PPP1R14C: variants seen among roughly 807,000 people sequenced by gnomAD.
PPP1R14C encodes protein phosphatase 1 regulatory inhibitor subunit 14C.
PPP1R14C carries 16 observed loss-of-function variants against 20.4 expected under a neutral mutation model. The ratio of observed to expected loss-of-function variants is 0.78; its 90% CI spans 0.53 to 1.19. The LOEUF (loss-of-function observed/expected upper bound fraction) is 1.19, where lower values mean the gene tolerates loss of function less well. Ranked by LOEUF, PPP1R14C falls within the 50% of genes most tolerant of loss-of-function variation. PPP1R14C has a pLI of 0.00. For synonymous variants in PPP1R14C, 91 were observed against 91.0 expected, an observed-to-expected ratio of 1.00 and a Z score of 0.00; for missense variants, 211 against 220.1, an observed-to-expected ratio of 0.96 and a Z score of 0.26.
intron 3 of PPP1R14C, among the ~76,000 whole-genome samples, chr6:150,224,840 G>A (rs963505816): frequency 2.0e-5 from 3 of 152,120 alleles, no homozygotes; most frequent in African/African-American, 7.2e-5. Flanking sequence ...TGAATATGAT[G>A]AATTAGGTAA....
At chr6:150,150,499 C>T (rs1482207769) in intron 1 of PPP1R14C, among the ~76,000 whole-genome samples, 1 of 152,178 alleles carries the variant, frequency 6.6e-6, no homozygotes, top group Non-Finnish European at 1.5e-5. Context: ...CCTAAAACAA[C>T]CTGGCAGCCC....
intron 1 of PPP1R14C, among the ~76,000 whole-genome samples, chr6:150,183,723 G>A (rs570101832): frequency 6.6e-6 from 1 of 152,110 alleles, no homozygotes; most frequent in Admixed American, 6.5e-5. Flanking sequence ...ACCTTGGCCA[G>A]GCTGGTCTTG....
intron 1 of PPP1R14C, among the ~76,000 whole-genome samples, chr6:150,184,344 C>T (rs1777653699): frequency 6.6e-6 from 1 of 152,144 alleles, no homozygotes; most frequent in African/African-American, 2.4e-5. Flanking sequence ...ATCCAGCCAC[C>T]TCCTGGTAGA....
chr6:150,215,412 T>C (rs1403508533), intron 2 of PPP1R14C, among the ~76,000 whole-genome samples: 1 of 152,252 alleles, frequency 6.6e-6, no homozygotes, highest in Non-Finnish European at 1.5e-5. Flanking sequence ...AGGTCAAATC[T>C]ATCATTTTTA....
chr6:150,170,959 T>G (rs1777491991), intron 1 of PPP1R14C, among the ~76,000 whole-genome samples: 1 of 152,076 alleles, frequency 6.6e-6, no homozygotes, highest in African/African-American at 2.4e-5. Context: ...AGTTTTAGAT[T>G]CACAGTAAAA....
Position 150,143,306 on chromosome 6 carries a change from CG to C in PPP1R14C, c.116del (p.Gly39AlafsTer34). 1.3e-6 allele frequency: 2 copies of C among 1,571,704 alleles called. No individual in the cohort carries two copies. The highest frequency in any genetic ancestry group is 1.7e-6 in the Non-Finnish European group (2 of 1,163,402). ...GAGGSPGSSS[G>X]SGSSREDSAP... ...CCGGTGGCAGCCCCGGCTCCAGCAG[CG>C]GCTCAGGCTCCTCCCGGGAGGACTC... is the stretch of plus-strand genomic sequence containing the variant. On this transcript the variant is annotated frameshift_variant, in exon 1 of 4. Transcript: ENST00000361131. LOFTEE classifies it high-confidence loss of function. This position sits in a 1 kb window ranked among gnomAD's most constrained non-coding sequence, Gnocchi z 5.6.
chr6:150,157,458 A>G, intron 1 of PPP1R14C, among the ~76,000 whole-genome samples: 1 of 151,238 alleles, frequency 6.6e-6, no homozygotes, highest in Non-Finnish European at 1.5e-5. Context: ...CCTACTGGTT[A>G]TACTCACAGG....
At chr6:150,215,328 G>A (rs1778077962) in intron 2 of PPP1R14C, among the ~76,000 whole-genome samples, 1 of 152,206 alleles carries the variant, frequency 6.6e-6, no homozygotes, top group Non-Finnish European at 1.5e-5. Context: ...CCAGTACAAC[G>A]ATGGATATTG....
At chr6:150,190,811 G>A (rs1353409087) in intron 1 of PPP1R14C, among the ~76,000 whole-genome samples, 2 of 152,036 alleles carry the variant, frequency 1.3e-5, no homozygotes, top group Non-Finnish European at 2.9e-5. Flanking sequence ...CTCTACCTTG[G>A]TCCATACCAC....
At chr6:150,227,231 GT>G (rs1374182576) in intron 3 of PPP1R14C, among the ~76,000 whole-genome samples, 1 of 152,170 alleles carries the variant, frequency 6.6e-6, no homozygotes, top group Non-Finnish European at 1.5e-5. Context: ...ACAGCTTGGT[GT>G]TTTACAATCT....
intron 1 of PPP1R14C, among the ~76,000 whole-genome samples, chr6:150,168,469 C>G (rs954259711): frequency 6.6e-6 from 1 of 152,030 alleles, no homozygotes. Flanking sequence ...GGAGGCGGAG[C>G]TTGCAGTGAG....
intron 3 of PPP1R14C, among the ~76,000 whole-genome samples, chr6:150,226,022 C>T (rs920626296): frequency 4.6e-5 from 7 of 152,164 alleles, no homozygotes; most frequent in South Asian, 2.1e-4. Flanking sequence ...TTTGGGTCTA[C>T]GGCTTCATCC....
At chr6:150,220,783 T>C (rs1191180400) in intron 3 of PPP1R14C, among the ~76,000 whole-genome samples, 1 of 152,218 alleles carries the variant, frequency 6.6e-6, no homozygotes, top group Non-Finnish European at 1.5e-5. Context: ...GTTCTCTCCC[T>C]AGGTTTTATA....
chr6:150,146,577 G>C (rs1777182691), intron 1 of PPP1R14C, among the ~76,000 whole-genome samples: 1 of 151,998 alleles, frequency 6.6e-6, no homozygotes, highest in Non-Finnish European at 1.5e-5. Context: ...CCCATCCTTG[G>C]TACAGTCCCA....
intron 1 of PPP1R14C, chr6:150,195,023 A>C: frequency 1.0e-6 from 1 of 984,928 alleles, no homozygotes; most frequent in Admixed American, 6.1e-5. Flanking sequence ...ACATACCTAG[A>C]GCAGTTACTA....
rs557707845 is a variant in PPP1R14C, at chr6:150,242,109, C to CAACAA, written c.424-6616_424-6612dup. Among the ~76,000 whole-genome samples the CAACAA allele has an allele frequency of 2.7e-4, 41 of 151,976 alleles. 1 individual carries two copies. The South Asian group carries it at 3.7e-3, about 14-fold the overall frequency. On this transcript the variant is annotated intron_variant, in intron 3 of 3. Transcript: ENST00000361131. The stretch of plus-strand genomic sequence containing the variant: ...CTTTCAAAACCTCCCCTCAAACACA[C>CAACAA]AACAAAACAAAACAAAACAAAACAA...
chr6:150,143,342 G>A lies in PPP1R14C; in HGVS notation c.150G>A (p.Val50=). 6.2e-7 allele frequency: 1 copy of A among 1,603,144 alleles called. No homozygotes were observed. The highest frequency in any genetic ancestry group is 8.5e-7 in the Non-Finnish European group (1 of 1,176,406). The change falls in exon 1 of 4, where the codon GTG becomes GTA. Residue 50 remains valine, a synonymous_variant. Coordinates refer to ENST00000361131, the MANE Select transcript of PPP1R14C (RefSeq NM_030949.3). This position sits in a 1 kb window ranked among gnomAD's most constrained non-coding sequence, Gnocchi z 5.6. ...CCTCCCGGGAGGACTCGGCGCCCGT[G>A]GCCACGGCGGCCGCTGCAGGGCAGG... The part of the protein sequence containing the change: ...SGSSREDSAP[V]ATAAAAGQVQ...
chr6:150,244,177 A>AAAAG (rs1426904444), intron 3 of PPP1R14C, among the ~76,000 whole-genome samples: 1 of 151,828 alleles, frequency 6.6e-6, no homozygotes, highest in Non-Finnish European at 1.5e-5. Context: ...CTAAAAAAAA[A>AAAAG]AAAACTCACT....
Position 150,165,275 on chromosome 6 carries a change from G to T in PPP1R14C, c.306+21777G>T, listed in dbSNP as rs569156872. ...TGTAAATATTCAATAAATATCAGCT[G>T]GTTGGTGGACAGGTCTGAACTTGCC... On this transcript the variant is annotated intron_variant, in intron 1 of 3. Coordinates refer to ENST00000361131, the MANE Select transcript of PPP1R14C (RefSeq NM_030949.3). 9.2e-5 allele frequency among the ~76,000 whole-genome samples: 14 copies of T among 152,346 alleles called. No homozygotes were observed. In the South Asian group the frequency reaches 2.7e-3, roughly 29 times the overall value.
Sources: gnomAD v4.1 joint callset for allele counts (sites outside exome capture counted in the v4.1 genomes callset) on GRCh38, gnomAD v4.1.1 for gene constraint, Gnocchi (gnomAD v3.1) non-coding constraint, MANE v1.5 for transcripts, NCBI Gene and HGNC (gene_info 2026-07-23, HGNC 2026-07-21) for gene names.